The following TRAM2 variants were observed in gnomAD, a reference collection of about 807,000 sequenced individuals.
The protein encoded by TRAM2 is translocation associated membrane protein 2, also known as translocating chain-associated membrane protein 2.
A neutral mutation model predicts 51.0 loss-of-function variants in TRAM2; 12 were observed. That is an observed-to-expected ratio of 0.24 (90% confidence interval 0.15 to 0.38). The LOEUF is 0.38. Ranked by LOEUF, TRAM2 falls within the 10% of genes least tolerant of loss-of-function variation. TRAM2 has a pLI of 1.00. For missense variants in TRAM2, 361 were observed against 462.0 expected (o/e 0.78, Z 2.00); for synonymous variants, 175 against 179.4 (o/e 0.98, Z 0.20).
Position 52,552,313 on chromosome 6 carries a change from G to A in TRAM2, c.121-16467C>T, listed in dbSNP as rs867022882. 5.9e-5 allele frequency among the ~76,000 whole-genome samples: 9 copies of A among 152,242 alleles called. No homozygotes were observed. In the South Asian group the frequency reaches 6.2e-4, roughly 11 times the overall value. On this transcript the variant is annotated intron_variant, in intron 1 of 10. Coordinates refer to ENST00000182527, the MANE Select transcript of TRAM2 (RefSeq NM_012288.4). Reference sequence around the variant, plus strand: ...CCTTTCACTACCCCGAGGAGGCAACGAAGACAAGAACAGACTGAAATCTGT... The same window carrying A: ...CCTTTCACTACCCCGAGGAGGCAACAAAGACAAGAACAGACTGAAATCTGT...
chr6:52,576,467 C>A (rs1212137894), intron 1 of TRAM2, among the ~76,000 whole-genome samples: 2 of 152,202 alleles, frequency 1.3e-5, no homozygotes, highest in African/African-American at 4.8e-5. Context: ...AGAAAGGGAA[C>A]CCCACGCGTC....
chr6:52,507,183 G>A (rs1391437666), intron 7 of TRAM2, among the ~76,000 whole-genome samples: 2 of 152,204 alleles, frequency 1.3e-5, no homozygotes, highest in Non-Finnish European at 2.9e-5. Flanking sequence ...GACACTGTGA[G>A]GTAAGAGCCC....
At chr6:52,537,869 G>A (rs1348269896) in intron 1 of TRAM2, among the ~76,000 whole-genome samples, 7 of 152,118 alleles carry the variant, frequency 4.6e-5, no homozygotes, top group East Asian at 1.9e-4. Flanking sequence ...CCCCTCTGTC[G>A]TGGGAGCTGC....
chr6:52,535,473 G>A (rs1264238463), intron 2 of TRAM2, among the ~76,000 whole-genome samples: 2 of 152,218 alleles, frequency 1.3e-5, no homozygotes, highest in Non-Finnish European at 2.9e-5. Context: ...ACGAGGTCAC[G>A]AGTTCGAGAC....
rs746182473 is a variant in TRAM2, at chr6:52,507,641, A to G, written c.556-18T>C. The stretch of plus-strand genomic sequence containing the variant: ...ATTTCCTCCTGGAAACAAGAGAAGC[A>G]GATGGTAAATTTGCTAATTCCCTAA... On this transcript the variant is annotated intron_variant, in intron 6 of 10. Transcript: ENST00000182527. The G allele has an allele frequency of 1.9e-6, 3 of 1,613,644 alleles. No individual in the cohort carries two copies. In the East Asian group the frequency reaches 6.7e-5, roughly 36 times the overall value.
chr6:52,554,930 T>C (rs571636378), intron 1 of TRAM2, among the ~76,000 whole-genome samples: 1 of 152,026 alleles, frequency 6.6e-6, no homozygotes, highest in South Asian at 2.1e-4. Flanking sequence ...CCGAGGCTGG[T>C]CTCGAACTCC....
intron 2 of TRAM2, chr6:52,522,834 T>C (rs1158460487): frequency 1.4e-6 from 1 of 693,258 alleles, no homozygotes; most frequent in Non-Finnish European, 2.6e-6. Context: ...CTGCTTGACC[T>C]CCTGCTCCGT....
intron 2 of TRAM2, chr6:52,523,587 C>CT (rs1426913882): frequency 1.3e-5 from 2 of 152,200 alleles, no homozygotes; most frequent in Non-Finnish European, 2.9e-5. Context: ...GAAACAGACT[C>CT]TTTCTTACAC....
In TRAM2 at chr6:52,497,989, T is replaced by G. The variant is rs1766121614; in HGVS notation, c.*5208A>C. On this transcript the variant is annotated 3_prime_UTR_variant, in exon 11 of 11. Transcript: ENST00000182527. ...ATGGGCACCACGCCAATCTTATTCC[T>G]GGACAATGACTTAAGCCCCATCGTG... 6.6e-6 allele frequency: 1 copy of G among 152,240 alleles called. No homozygotes were observed. The highest frequency in any genetic ancestry group is 1.5e-5 in the Non-Finnish European group (1 of 68,042). The allele number at this position is 152,240 out of a possible 1,614,324, so 9.4% of individuals were successfully genotyped here.
rs529083789 is a variant in TRAM2, at chr6:52,527,720, T to G, written c.184+8063A>C. On this transcript the variant is annotated intron_variant, in intron 2 of 10. Coordinates refer to ENST00000182527, the MANE Select transcript of TRAM2 (RefSeq NM_012288.4). ...AAGCTCCACATGGAATGGGATAAAT[T>G]ATCAGAGCTACGACAGGGAATTGCA... Among the ~76,000 whole-genome samples the G allele has an allele frequency of 1.6e-4, 24 of 152,304 alleles. No homozygotes were observed. In the South Asian group the frequency reaches 5.0e-3, roughly 32 times the overall value.
At chr6:52,573,432 GGAA>G (rs1767712981) in intron 1 of TRAM2, among the ~76,000 whole-genome samples, 2 of 152,166 alleles carry the variant, frequency 1.3e-5, no homozygotes, top group African/African-American at 4.8e-5. Flanking sequence ...ACGGTGGAAA[GGAA>G]GGAGGGGGAA....
intron 2 of TRAM2, among the ~76,000 whole-genome samples, chr6:52,530,873 T>C (rs1562481439): frequency 1.3e-5 from 2 of 152,036 alleles, no homozygotes; most frequent in African/African-American, 4.8e-5. Context: ...GAAAGGAGTA[T>C]AGAAGAAGAG....
intron 1 of TRAM2, among the ~76,000 whole-genome samples, chr6:52,547,579 CTATT>C (rs1480581938): frequency 6.6e-6 from 1 of 152,200 alleles, no homozygotes; most frequent in Non-Finnish European, 1.5e-5. Flanking sequence ...AAATTTTCTG[CTATT>C]TAATCAATTC....
At chr6:52,518,357 C>T (rs192786533) in intron 2 of TRAM2, among the ~76,000 whole-genome samples, 1 of 152,112 alleles carries the variant, frequency 6.6e-6, no homozygotes, top group Non-Finnish European at 1.5e-5. Context: ...CCGTGGTGAG[C>T]GGCGGGCTGC....
intron 1 of TRAM2, among the ~76,000 whole-genome samples, chr6:52,545,652 G>C (rs552890163): frequency 8.0e-6 from 1 of 124,394 alleles, no homozygotes; most frequent in Non-Finnish European, 1.6e-5. Context: ...AAGGAACCAA[G>C]GCCATGGCCT....
intron 4 of TRAM2, among the ~76,000 whole-genome samples, chr6:52,512,273 C>T (rs1422252928): frequency 3.9e-5 from 6 of 152,120 alleles, no homozygotes; most frequent in Admixed American, 6.5e-5. Flanking sequence ...CTTGGCTTGG[C>T]CTCTTACTTA....
chr6:52,516,415 C>G (rs1213809774), intron 3 of TRAM2: 14 of 599,734 alleles, frequency 2.3e-5, no homozygotes, highest in Admixed American at 8.9e-5. Context: ...AGCTTTCTCT[C>G]TGTGTAATAA....
chr6:52,498,877 G>A lies in TRAM2; in HGVS notation c.*4320C>T, dbSNP rs1766145871. 6.6e-6 allele frequency: 1 copy of A among 152,564 alleles called. No homozygotes were observed. The allele number at this position is 152,564 out of a possible 1,614,324, so 9.5% of individuals were successfully genotyped here. A position where few individuals can be genotyped will look rare whatever the true frequency, so the allele number is the denominator to read the frequency against. ...AGTTGAAAACCACACAGCAAAGTAA[G>A]GCACTTATTCTCACACACAGGCGCA... On this transcript the variant is annotated 3_prime_UTR_variant, in exon 11 of 11. Coordinates refer to ENST00000182527, the MANE Select transcript of TRAM2 (RefSeq NM_012288.4).
chr6:52,501,378 G>A lies in TRAM2; in HGVS notation c.*1819C>T, dbSNP rs963096315. On this transcript the variant is annotated 3_prime_UTR_variant, in exon 11 of 11. Transcript: ENST00000182527. ...ATGATGTAAGTGACTTGGAGAAGGG[G>A]AGTTGCCTTGATGAAAAGACCCATT... is the stretch of plus-strand genomic sequence containing the variant. 6.6e-6 allele frequency: 1 copy of A among 152,126 alleles called. No homozygotes were observed. The highest frequency in any genetic ancestry group is 1.5e-5 in the Non-Finnish European group (1 of 68,030). The allele number at this position is 152,126 out of a possible 1,614,324, so 9.4% of individuals were successfully genotyped here. A position where few individuals can be genotyped will look rare whatever the true frequency, so the allele number is the denominator to read the frequency against.
Sources: gnomAD v4.1 joint callset for allele counts (sites outside exome capture counted in the v4.1 genomes callset) on GRCh38, gnomAD v4.1.1 for gene constraint, MANE v1.5 for transcripts, NCBI Gene and HGNC (gene_info 2026-07-23, HGNC 2026-07-21) for gene names.